Variants in FBXL7 observed in about 807,000 individuals in gnomAD.
FBXL7 encodes F-box/LRR-repeat protein 7.
A neutral mutation model predicts 38.3 loss-of-function variants in FBXL7; 12 were observed. That is an observed-to-expected ratio of 0.31 (90% CI 0.20 to 0.51). The LOEUF is 0.51. FBXL7 is among the 20% of genes least tolerant of loss of function. The probability of loss-of-function intolerance (pLI) is 0.98; values close to 1 mark genes in which losing one functional copy is unlikely to be tolerated. For synonymous variants in FBXL7, 297 were observed against 300.9 expected, an observed-to-expected ratio of 0.99 and a Z score of 0.13; for missense variants, 567 against 676.4, an observed-to-expected ratio of 0.84 and a Z score of 1.79.
At chr5:15,670,560 G>A (rs1374679426) in intron 2 of FBXL7, among the ~76,000 whole-genome samples, 1 of 152,164 alleles carries the variant, frequency 6.6e-6, no homozygotes, top group African/African-American at 2.4e-5. Context: ...CAGCACTTTG[G>A]GAGGATAAGG....
intron 2 of FBXL7, among the ~76,000 whole-genome samples, chr5:15,814,711 A>T (rs1416836204): frequency 6.6e-6 from 1 of 152,198 alleles, no homozygotes; most frequent in Non-Finnish European, 1.5e-5. Flanking sequence ...TGTGATACCA[A>T]ATTTAATAAT....
At chr5:15,598,371 C>T (rs1739686946) in intron 1 of FBXL7, among the ~76,000 whole-genome samples, 1 of 152,138 alleles carries the variant, frequency 6.6e-6, no homozygotes, top group South Asian at 2.1e-4. Flanking sequence ...TTAAAAAATG[C>T]TCTTTTCATA....
intron 2 of FBXL7, among the ~76,000 whole-genome samples, chr5:15,694,629 A>G (rs1388287913): frequency 5.3e-5 from 8 of 152,230 alleles, no homozygotes; most frequent in Non-Finnish European, 1.2e-4. Context: ...TAGCTGTAGG[A>G]CACAGGAATA....
At chr5:15,739,492 G>T (rs567533801) in intron 2 of FBXL7, among the ~76,000 whole-genome samples, 1 of 151,398 alleles carries the variant, frequency 6.6e-6, no homozygotes, top group South Asian at 2.1e-4. Context: ...TCTAATTTTA[G>T]AACTTTTTTT....
intron 2 of FBXL7, among the ~76,000 whole-genome samples, chr5:15,781,200 G>A (rs1017629479): frequency 5.9e-5 from 9 of 152,086 alleles, no homozygotes; most frequent in South Asian, 4.1e-4. Flanking sequence ...AATATGTTAA[G>A]GGAGGTTTTA....
chr5:15,936,534 G>T lies in FBXL7; in HGVS notation c.824G>T (p.Arg275Leu), dbSNP rs1286536913. 1.2e-6 allele frequency: 2 copies of T among 1,613,524 alleles called. No homozygotes were observed. Among genetic ancestry groups the T allele is most frequent in the Admixed American group, 3.3e-5 (2 of 60,030 alleles). ...TTGCATGGCAAACAGATTTCCATCC[G>T]CTACCTGGACATGACGGACTGCTTC... ...SPLHGKQISI[R>L]YLDMTDCFVL... Residue 275 changes from arginine to leucine, a missense_variant, in exon 4 of 4, where the codon CGC becomes CTC. Transcript: ENST00000504595. The surrounding 1 kb of genome is among the most constrained non-coding windows in gnomAD (Gnocchi z 6.0).
In FBXL7 at chr5:15,500,631, G is replaced by T. The variant is rs759348870; in HGVS notation, c.-46G>T. 6.2e-7 allele frequency: 1 copy of T among 1,612,674 alleles called. No homozygotes were observed. Among genetic ancestry groups the T allele is most frequent in the Admixed American group, 1.7e-5 (1 of 59,976 alleles). On this transcript the variant is annotated 5_prime_UTR_variant, in exon 1 of 4. Coordinates refer to ENST00000504595, the MANE Select transcript of FBXL7 (RefSeq NM_012304.5). ...GGGCCGAGCGCGCAGGACGTGCGCC[G>T]CAGCTATGGAGTGTCCCGGGAGACG...
At chr5:15,692,440 C>T (rs569994478) in intron 2 of FBXL7, among the ~76,000 whole-genome samples, 1 of 152,198 alleles carries the variant, frequency 6.6e-6, no homozygotes, top group Non-Finnish European at 1.5e-5. Context: ...TTCTGTATCT[C>T]CCTCTGTTGT....
intron 2 of FBXL7, among the ~76,000 whole-genome samples, chr5:15,662,926 G>A (rs1352576065): frequency 2.0e-5 from 3 of 152,154 alleles, no homozygotes; most frequent in Admixed American, 6.5e-5. Context: ...TTTGAAGTCA[G>A]TAACGTTATG....
chr5:15,791,647 G>A (rs1737279830), intron 2 of FBXL7, among the ~76,000 whole-genome samples: 1 of 152,176 alleles, frequency 6.6e-6, no homozygotes, highest in African/African-American at 2.4e-5. Context: ...GACAAAAGGA[G>A]AGATACTCCT....
At chr5:15,884,139 GCCACCA>G (rs1740576965) in intron 2 of FBXL7, among the ~76,000 whole-genome samples, 1 of 152,246 alleles carries the variant, frequency 6.6e-6, no homozygotes, top group Non-Finnish European at 1.5e-5. Flanking sequence ...CTTCTAGGCA[GCCACCA>G]TCTCCCTGCC....
chr5:15,539,006 G>T (rs964452283), intron 1 of FBXL7, among the ~76,000 whole-genome samples: 7 of 152,106 alleles, frequency 4.6e-5, no homozygotes, highest in African/African-American at 1.4e-4. Flanking sequence ...ATAAATAGGA[G>T]AAAAAACACG....
At chr5:15,871,183 A>AC (rs1180808148) in intron 2 of FBXL7, among the ~76,000 whole-genome samples, 1 of 152,122 alleles carries the variant, frequency 6.6e-6, no homozygotes, top group Non-Finnish European at 1.5e-5. Flanking sequence ...TCTGGAGTGG[A>AC]CCCCCAGCAA....
chr5:15,598,491 A>C (rs192311235), intron 1 of FBXL7, among the ~76,000 whole-genome samples: 3 of 152,336 alleles, frequency 2.0e-5, no homozygotes, highest in Admixed American at 2.0e-4. Flanking sequence ...CACCAGGTGC[A>C]GCAGACAGAC....
At chr5:15,708,384 A>G (rs1743756192) in intron 2 of FBXL7, among the ~76,000 whole-genome samples, 1 of 152,218 alleles carries the variant, frequency 6.6e-6, no homozygotes, top group South Asian at 2.1e-4. Flanking sequence ...TAGCAGATGT[A>G]AAGGGGTACC....
chr5:15,794,534 G>A (rs1737364104), intron 2 of FBXL7, among the ~76,000 whole-genome samples: 1 of 152,184 alleles, frequency 6.6e-6, no homozygotes, highest in African/African-American at 2.4e-5. Flanking sequence ...CTTGACTTAA[G>A]ATGAGTAAAT....
At chr5:15,802,924 A>T (rs1737610382) in intron 2 of FBXL7, among the ~76,000 whole-genome samples, 1 of 152,148 alleles carries the variant, frequency 6.6e-6, no homozygotes, top group Admixed American at 6.6e-5. Context: ...AAGTGCTGGG[A>T]TTATAGGCGT....
intron 2 of FBXL7, among the ~76,000 whole-genome samples, chr5:15,816,116 G>A (rs1202650662): frequency 6.6e-6 from 1 of 151,968 alleles, no homozygotes; most frequent in Non-Finnish European, 1.5e-5. Context: ...TTAACTGGTG[G>A]AAAAGGAAAA....
At chr5:15,788,171 G>A (rs1361590431) in intron 2 of FBXL7, among the ~76,000 whole-genome samples, 2 of 152,064 alleles carry the variant, frequency 1.3e-5, no homozygotes, top group South Asian at 2.1e-4. Flanking sequence ...AGGGCCCAAC[G>A]CAATGGAGTA....
Sources: gnomAD v4.1 joint callset for allele counts (sites outside exome capture counted in the v4.1 genomes callset) on GRCh38, gnomAD v4.1.1 for gene constraint, Gnocchi (gnomAD v3.1) non-coding constraint, MANE v1.5 for transcripts, NCBI Gene and HGNC (gene_info 2026-07-23, HGNC 2026-07-21) for gene names.